The following MGAT4C variants were observed in gnomAD, a reference collection of about 807,000 sequenced individuals.
MGAT4C encodes the protein MGAT4 family member C.
In MGAT4C, 19 loss-of-function variants were observed where a neutral mutation model predicts 40.1. That is an observed-to-expected ratio of 0.47 (90% CI 0.33 to 0.70). The LOEUF (loss-of-function observed/expected upper bound fraction) is 0.70, where lower values mean the gene tolerates loss of function less well. MGAT4C is among the 30% of genes least tolerant of loss of function. The pLI is 0.02. For synonymous variants in MGAT4C, 181 were observed against 187.1 expected (o/e 0.97, Z 0.27); for missense variants, 491 against 563.2 (o/e 0.87, Z 1.30).
At chr12:86,099,237 T>A (rs553069451) in intron 1 of MGAT4C, among the ~76,000 whole-genome samples, 1 of 151,482 alleles carries the variant, frequency 6.6e-6, no homozygotes, top group African/African-American at 2.4e-5. Context: ...TTTTAAGATT[T>A]TTTGTCTGTC....
intron 1 of MGAT4C, among the ~76,000 whole-genome samples, chr12:86,831,931 T>C (rs1566021192): frequency 6.6e-6 from 1 of 151,836 alleles, no homozygotes; most frequent in African/African-American, 2.4e-5. Flanking sequence ...AATCTGACAA[T>C]ATCACAAAGA....
chr12:86,654,280 G>A (rs1204391602), intron 2 of MGAT4C, among the ~76,000 whole-genome samples: 1 of 151,560 alleles, frequency 6.6e-6, no homozygotes, highest in South Asian at 2.1e-4. Context: ...TATAGCTAAT[G>A]TGAGAAAGTT....
chr12:85,988,415 T>A (rs540813928), intron 3 of MGAT4C, among the ~76,000 whole-genome samples: 23 of 152,280 alleles, frequency 1.5e-4, no homozygotes, highest in African/African-American at 5.5e-4. Context: ...TAAAGCATTT[T>A]TTTTTGGAAA....
chr12:86,071,447 G>T (rs1372255044), intron 1 of MGAT4C, among the ~76,000 whole-genome samples: 2 of 151,910 alleles, frequency 1.3e-5, no homozygotes, highest in Non-Finnish European at 2.9e-5. Context: ...TATTGTTTAG[G>T]CCATAAAATA....
At position 86,380,638 on chromosome 12, in the gene MGAT4C, A is replaced by C. The variant is rs150028766; in HGVS notation, c.-119-46511T>G. Among the ~76,000 whole-genome samples the C allele has an allele frequency of 2.3e-3, 349 of 152,256 alleles. 1 individual carries two copies. The highest frequency in any genetic ancestry group is 7.8e-3 in the African/African-American group (323 of 41,564). ...TTCAACATTACACAACATACCTACT[A>C]AGCCCTTTGTGTGTATCATTTCATT... On this transcript the variant is annotated intron_variant, in intron 3 of 7. Transcript: ENST00000548651.
chr12:86,568,284 C>T (rs761527765), intron 2 of MGAT4C, among the ~76,000 whole-genome samples: 8 of 151,990 alleles, frequency 5.3e-5, no homozygotes, highest in Non-Finnish European at 1.0e-4. Flanking sequence ...AGCAGATTTG[C>T]TGAGTTTTCT....
chr12:86,505,359 G>A (rs1320831646), intron 2 of MGAT4C, among the ~76,000 whole-genome samples: 1 of 152,178 alleles, frequency 6.6e-6, no homozygotes, highest in African/African-American at 2.4e-5. Context: ...TCCAGCACAT[G>A]ATCAAGAAAA....
intron 2 of MGAT4C, among the ~76,000 whole-genome samples, chr12:86,531,292 T>C (rs1592957098): frequency 6.6e-6 from 1 of 152,084 alleles, no homozygotes; most frequent in East Asian, 1.9e-4. Flanking sequence ...ATTATTCAAA[T>C]GTGCACTCAA....
chr12:86,690,838 G>A (rs1161173115), intron 2 of MGAT4C, among the ~76,000 whole-genome samples: 1 of 152,198 alleles, frequency 6.6e-6, no homozygotes, highest in Admixed American at 6.5e-5. Flanking sequence ...TAGCTTTAAT[G>A]GTCCGTCATC....
At position 86,754,539 on chromosome 12, in the gene MGAT4C, A is replaced by G. The variant is rs111947889; in HGVS notation, c.-261-27298T>C. On this transcript the variant is annotated intron_variant, in intron 1 of 7. Transcript: ENST00000548651. ...ATGAATGCACACAATCAGAATGGCA[A>G]TTTTGTAAAGGGACATGAAAAATAA... Among the ~76,000 whole-genome samples, 490 of 152,286 alleles carry G rather than the reference A, an allele frequency of 3.2e-3. 2 individuals carry two copies. The highest frequency in any genetic ancestry group is 0.011 in the African/African-American group (475 of 41,576).
At position 86,062,563 on chromosome 12, in the gene MGAT4C, G is replaced by A. The variant is rs1311988247; in HGVS notation, c.-56-12840C>T. Among the ~76,000 whole-genome samples, 3 of 151,950 alleles carry A rather than the reference G, an allele frequency of 2.0e-5. No homozygotes were observed. In the East Asian group the frequency reaches 5.8e-4, roughly 30 times the overall value. The stretch of plus-strand genomic sequence containing the variant: ...GACAGAAGTAGGCTTCAGAAGATGG[G>A]TAATAACAAACTCCTGCAAGCTAAA... On this transcript the variant is annotated intron_variant, in intron 1 of 4. Transcript: ENST00000611864.
chr12:86,731,491 T>C (rs1033037839), intron 1 of MGAT4C, among the ~76,000 whole-genome samples: 2 of 152,148 alleles, frequency 1.3e-5, no homozygotes, highest in African/African-American at 4.8e-5. Flanking sequence ...TGTTGAATCA[T>C]CTTAGTCTCT....
rs1275776949 is a variant in MGAT4C at position 86,344,727 on chromosome 12, T to TGTGA, written c.-119-10601_-119-10600insTCAC. The stretch of plus-strand genomic sequence containing the variant: ...GTTCTATCTCTTCTCGGTGTGTGTG[T>TGTGA]GTGTGTGTGTGTGTGTGTGTGTGTG... On this transcript the variant is annotated intron_variant, in intron 3 of 7. Transcript: ENST00000548651. Among the ~76,000 whole-genome samples, 6 of 124,118 alleles carry TGTGA rather than the reference T, an allele frequency of 4.8e-5. No individual in the cohort carries two copies. In the East Asian group the frequency reaches 1.2e-3, roughly 25 times the overall value. The allele number at this position is 124,118 out of a possible 152,430, so 81.4% of individuals were successfully genotyped here.
intron 1 of MGAT4C, among the ~76,000 whole-genome samples, chr12:86,112,060 A>G (rs1045912926): frequency 6.6e-6 from 1 of 151,848 alleles, no homozygotes; most frequent in Non-Finnish European, 1.5e-5. Flanking sequence ...TACCTGTGGG[A>G]GCAAGTAAGT....
At chr12:86,664,132 AT>A (rs201296651) in intron 2 of MGAT4C, among the ~76,000 whole-genome samples, 17,940 of 145,300 alleles carry the variant, frequency 0.12, 1,674 homozygotes, top group African/African-American at 0.28. Context: ...TGCACAGTCA[AT>A]TTTTTTTTTT....
chr12:86,039,517 T>C (rs1349034305), intron 2 of MGAT4C, among the ~76,000 whole-genome samples: 2 of 152,206 alleles, frequency 1.3e-5, no homozygotes, highest in Non-Finnish European at 2.9e-5. Context: ...GATTCGGCTA[T>C]TGATACTTTT....
chr12:86,118,933 A>G (rs1878894512), intron 1 of MGAT4C, among the ~76,000 whole-genome samples: 1 of 152,130 alleles, frequency 6.6e-6, no homozygotes, highest in Non-Finnish European at 1.5e-5. Flanking sequence ...TTATTAGTCT[A>G]AAATGGATGT....
intron 2 of MGAT4C, among the ~76,000 whole-genome samples, chr12:86,698,382 T>C (rs1163526762): frequency 1.3e-5 from 2 of 152,064 alleles, no homozygotes. Context: ...TCTATGTGTG[T>C]GTGTGTGTAT....
At chr12:86,187,655 C>T (rs1052053496) in intron 1 of MGAT4C, among the ~76,000 whole-genome samples, 1 of 151,624 alleles carries the variant, frequency 6.6e-6, no homozygotes, top group African/African-American at 2.4e-5. Flanking sequence ...TAAAAAAGGG[C>T]CTATAACGGG....
Sources: allele counts gnomAD v4.1 joint callset (sites outside exome capture counted in the v4.1 genomes callset), GRCh38; gene constraint gnomAD v4.1.1; transcripts MANE v1.5; gene names NCBI Gene and HGNC (gene_info 2026-07-23, HGNC 2026-07-21).